The following PTPRG variants were observed in gnomAD, a reference collection of about 807,000 sequenced individuals.
PTPRG encodes the protein protein tyrosine phosphatase receptor type G, also known as receptor-type tyrosine-protein phosphatase gamma.
A neutral mutation model predicts 165.3 loss-of-function variants in PTPRG; 102 were observed. The ratio of observed to expected loss-of-function variants is 0.62; its 90% CI spans 0.53 to 0.73. The LOEUF (loss-of-function observed/expected upper bound fraction) is 0.73, where lower values mean the gene tolerates loss of function less well. Ranked by LOEUF, PTPRG falls within the 30% of genes least tolerant of loss-of-function variation. The probability of loss-of-function intolerance (pLI) is 0.00; values close to 1 mark genes in which losing one functional copy is unlikely to be tolerated. For synonymous variants in PTPRG, 675 were observed against 669.5 expected (o/e 1.01, Z -0.13); for missense variants, 1,866 against 1,861.4 (o/e 1.00, Z -0.05).
At chr3:61,574,400 TA>T (rs1237502467) in intron 1 of PTPRG, among the ~76,000 whole-genome samples, 26 of 152,334 alleles carry the variant, frequency 1.7e-4, no homozygotes, top group African/African-American at 6.0e-4. Flanking sequence ...AGGCAGAAGC[TA>T]AGTTTTCTAG....
chr3:61,911,332 A>G (rs1182447251), intron 2 of PTPRG, among the ~76,000 whole-genome samples: 3 of 152,218 alleles, frequency 2.0e-5, no homozygotes, highest in African/African-American at 2.4e-5. Flanking sequence ...TAGAAGTCCA[A>G]TTAATATTTG....
chr3:62,094,591 C>T (rs1702048180), intron 5 of PTPRG, among the ~76,000 whole-genome samples: 1 of 152,196 alleles, frequency 6.6e-6, no homozygotes, highest in Non-Finnish European at 1.5e-5. Flanking sequence ...CCCCTGGTCC[C>T]ATTGCTTCAG....
intron 2 of PTPRG, chr3:61,770,613 G>A (rs896680839): frequency 2.0e-5 from 3 of 151,940 alleles, no homozygotes; most frequent in Non-Finnish European, 4.4e-5. Context: ...GTTTCATTTG[G>A]ATTATGTCTA....
chr3:62,106,210 TAGA>T (rs1214003726), intron 5 of PTPRG, among the ~76,000 whole-genome samples: 5 of 152,220 alleles, frequency 3.3e-5, no homozygotes, highest in African/African-American at 1.2e-4. Context: ...GAAACAGAGG[TAGA>T]AGAACCTAGA....
intron 2 of PTPRG, among the ~76,000 whole-genome samples, chr3:61,783,282 A>G (rs1456047985): frequency 6.6e-6 from 1 of 152,150 alleles, no homozygotes; most frequent in African/African-American, 2.4e-5. Context: ...TGAGGCAGCA[A>G]TGAGCTGTGT....
chr3:62,266,525 C>A (rs986798340), intron 17 of PTPRG, among the ~76,000 whole-genome samples: 1 of 151,962 alleles, frequency 6.6e-6, no homozygotes, highest in Admixed American at 6.6e-5. Context: ...TCAAGCAACA[C>A]CTGTTTCATG....
intron 12 of PTPRG, 74 bp from the exon 13 acceptor site, chr3:62,218,777 C>A (rs1210714079): frequency 2.0e-6 from 3 of 1,517,150 alleles, no homozygotes; most frequent in Non-Finnish European, 2.7e-6. Flanking sequence ...AAAACTGGAA[C>A]AGAACTCTGC....
intron 5 of PTPRG, among the ~76,000 whole-genome samples, chr3:62,130,712 A>G (rs1703482863): frequency 6.6e-6 from 1 of 152,128 alleles, no homozygotes. Flanking sequence ...CTGTAATTCC[A>G]TTTTTGACCA....
intron 4 of PTPRG, among the ~76,000 whole-genome samples, chr3:62,018,997 CTTGGTCT>C (rs577853584): frequency 7.2e-5 from 11 of 152,156 alleles, no homozygotes; most frequent in Non-Finnish European, 1.5e-4. Context: ...AAGGAATCAA[CTTGGTCT>C]TTGGGGTCCC....
At chr3:62,178,171 A>ATGGATGGATGGATGCACATG (rs1705504937) in intron 8 of PTPRG, among the ~76,000 whole-genome samples, 3 of 151,572 alleles carry the variant, frequency 2.0e-5, no homozygotes, top group Non-Finnish European at 4.4e-5. Flanking sequence ...GGATGGATGG[A>ATGGATGGATGGATGCACATG]TGGATGGATG....
chr3:62,293,167 T>C lies in PTPRG; in HGVS notation c.4198T>C (p.Tyr1400His). 6.3e-7 allele frequency: 1 copy of C among 1,590,098 alleles called. No homozygotes were observed. The highest frequency in any genetic ancestry group is 8.5e-7 in the Non-Finnish European group (1 of 1,171,692). ...RPGVFTDIEQ[Y>H]QFIYKAMLSL... ...TCTTCCTCTTGTTTTTCAGGAACAA[T>C]ACCAGTTCATCTATAAAGCAATGCT... is the stretch of plus-strand genomic sequence containing the variant. Residue 1400 changes from tyrosine (Y) to histidine (H), a missense_variant, in exon 30 of 30, where the codon TAC becomes CAC. By Grantham distance (83) the Tyr-to-His change is moderately conservative. Transcript: ENST00000474889.
chr3:61,953,140 G>T (rs1386308944), intron 2 of PTPRG, among the ~76,000 whole-genome samples: 1 of 152,064 alleles, frequency 6.6e-6, no homozygotes, highest in Non-Finnish European at 1.5e-5. Flanking sequence ...ACTCAGAAAC[G>T]CTTTCCCTCC....
intron 2 of PTPRG, among the ~76,000 whole-genome samples, chr3:61,853,378 G>A (rs150431824): frequency 4.6e-5 from 7 of 152,300 alleles, no homozygotes; most frequent in Non-Finnish European, 1.0e-4. Flanking sequence ...AAGGAATTGC[G>A]GCTTCTGCCT....
chr3:62,064,888 C>T (rs538802419), intron 4 of PTPRG, among the ~76,000 whole-genome samples: 5 of 152,004 alleles, frequency 3.3e-5, no homozygotes, highest in South Asian at 4.1e-4. Flanking sequence ...CGTGCCACCA[C>T]GCCAAGCTAA....
chr3:62,088,486 T>G (rs1425068406), intron 5 of PTPRG, among the ~76,000 whole-genome samples: 1 of 152,226 alleles, frequency 6.6e-6, no homozygotes, highest in Admixed American at 6.5e-5. Flanking sequence ...ACAACTGGGA[T>G]TCCAACATAA....
At chr3:62,013,511 T>C (rs1220322667) in intron 4 of PTPRG, among the ~76,000 whole-genome samples, 1 of 152,238 alleles carries the variant, frequency 6.6e-6, no homozygotes, top group Non-Finnish European at 1.5e-5. Flanking sequence ...GGGACTATAG[T>C]TAATAAAAAT....
Position 61,709,880 on chromosome 3 carries a change from C to T in PTPRG, c.86-38998C>T, listed in dbSNP as rs116355706. ...TTAGTAGGGCCCTGAATCACCTGGA[C>T]GGCTTGATGCAACATAGATTGCTGG... is the stretch of plus-strand genomic sequence containing the variant. On this transcript the variant is annotated intron_variant, in intron 1 of 29. Coordinates refer to ENST00000474889, the MANE Select transcript of PTPRG (RefSeq NM_002841.4). Among the ~76,000 whole-genome samples the T allele has an allele frequency of 8.7e-3, 1,320 of 152,252 alleles. 13 individuals are homozygous for T. Among genetic ancestry groups the T allele is most frequent in the Non-Finnish European group, 0.016 (1,062 of 68,020 alleles).
intron 5 of PTPRG, among the ~76,000 whole-genome samples, chr3:62,114,277 C>T (rs979945155): frequency 6.6e-6 from 1 of 151,840 alleles, no homozygotes; most frequent in Non-Finnish European, 1.5e-5. Flanking sequence ...CCAGCCTGGG[C>T]AACCGAGTGA....
chr3:61,589,028 GGCCCACT>G (rs1379883092), intron 1 of PTPRG, among the ~76,000 whole-genome samples: 2 of 152,098 alleles, frequency 1.3e-5, no homozygotes, highest in African/African-American at 4.8e-5. Flanking sequence ...CACCCAGTCT[GGCCCACT>G]GCCTATTCTG....
Sources: allele counts gnomAD v4.1 joint callset (sites outside exome capture counted in the v4.1 genomes callset), GRCh38; gene constraint gnomAD v4.1.1; transcripts MANE v1.5; gene names NCBI Gene and HGNC (gene_info 2026-07-23, HGNC 2026-07-21).